ENOX2: variants seen among roughly 807,000 people sequenced by gnomAD.
ENOX2 encodes APK1 antigen.
In ENOX2, 36 loss-of-function variants were observed where a neutral mutation model predicts 45.0. That is an observed-to-expected ratio of 0.80 (90% CI 0.61 to 1.06). ENOX2 has a LOEUF of 1.06. ENOX2 is among the 50% of genes least tolerant of loss of function. The probability of loss-of-function intolerance (pLI) is 0.00; values close to 1 mark genes in which losing one functional copy is unlikely to be tolerated. For missense variants in ENOX2, 423 were observed against 462.5 expected (o/e 0.91, Z 0.78); for synonymous variants, 174 against 152.3 (o/e 1.14, Z -1.05).
At chrX:130,849,826 T>C (rs2148515967) in intron 2 of ENOX2, among the ~76,000 whole-genome samples, 1 of 111,772 alleles carries the variant, frequency 8.9e-6, no homozygotes, top group African/African-American at 3.3e-5. Flanking sequence ...GCCAACCCTT[T>C]ATTCAAAAGA....
At chrX:130,730,278 A>G (rs931727085) in intron 3 of ENOX2, among the ~76,000 whole-genome samples, 11 of 112,586 alleles carry the variant, frequency 9.8e-5, no homozygotes, top group Middle Eastern at 9.2e-3. Context: ...TGGAAGTGAC[A>G]TGTAGAAATT....
At chrX:130,856,050 T>C (rs898602400) in intron 2 of ENOX2, among the ~76,000 whole-genome samples, 3 of 112,018 alleles carry the variant, frequency 2.7e-5, no homozygotes, top group Admixed American at 1.9e-4. Context: ...AGTACTAAAG[T>C]AAAAACAGTG....
intron 3 of ENOX2, among the ~76,000 whole-genome samples, chrX:130,782,780 T>C (rs191390434): frequency 9.0e-6 from 1 of 110,956 alleles, no homozygotes; most frequent in Non-Finnish European, 1.9e-5. Flanking sequence ...AGACATAAAA[T>C]TGTAAAATAT....
At chrX:130,714,607 G>C (rs1002509951) in intron 3 of ENOX2, among the ~76,000 whole-genome samples, 15 of 111,590 alleles carry the variant, frequency 1.3e-4, no homozygotes, top group Non-Finnish European at 2.8e-4. Flanking sequence ...AGTTGTACCT[G>C]AATCTTTGGT....
At chrX:130,790,787 AC>A (rs1197243231) in intron 2 of ENOX2, among the ~76,000 whole-genome samples, 1 of 111,982 alleles carries the variant, frequency 8.9e-6, no homozygotes, top group Admixed American at 9.4e-5. Flanking sequence ...ATTCACCTCT[AC>A]CCAAACCAAT....
intron 14 of ENOX2, among the ~76,000 whole-genome samples, chrX:130,626,913 T>C (rs1225664017): frequency 9.0e-6 from 1 of 111,549 alleles, no homozygotes; most frequent in Non-Finnish European, 1.9e-5. Flanking sequence ...TATGGGCACA[T>C]TTCACTGAAT....
intron 3 of ENOX2, among the ~76,000 whole-genome samples, chrX:130,715,627 C>T (rs755529113): frequency 9.0e-6 from 1 of 110,721 alleles, no homozygotes; most frequent in East Asian, 2.8e-4. Context: ...TGCATTTGGC[C>T]AGACCAGGCA....
chrX:130,819,282 G>A (rs1029938131), intron 2 of ENOX2, among the ~76,000 whole-genome samples: 30 of 111,980 alleles, frequency 2.7e-4, no homozygotes, highest in Non-Finnish European at 4.3e-4. Flanking sequence ...TGGTGAGTAT[G>A]TAAATTAGTT....
chrX:130,665,595 G>A lies in ENOX2; in HGVS notation c.1014+48C>T, dbSNP rs779614798. 2.0e-5 allele frequency: 18 copies of A among 904,622 alleles called. No homozygotes were observed. The South Asian group carries it at 2.3e-4, about 12-fold the overall frequency. 74.6% of individuals were successfully genotyped at this position (904,622 alleles called of 1,213,427 possible). A position where few individuals can be genotyped will look rare whatever the true frequency, so the allele number is the denominator to read the frequency against. ...AACTCCAGATCAATAACTTGTTAAC[G>A]AAAGAAACTGTCCCCCCAAGGGGCT... is the stretch of plus-strand genomic sequence containing the variant. On this transcript the variant is annotated intron_variant, in intron 9 of 14. Transcript: ENST00000394363.
At chrX:130,661,776 A>AT (rs1326776724) in intron 9 of ENOX2, among the ~76,000 whole-genome samples, 1 of 112,385 alleles carries the variant, frequency 8.9e-6, no homozygotes, top group Non-Finnish European at 1.9e-5. Context: ...GGGTATGCAG[A>AT]TTATTTGAAT....
At chrX:130,723,188 G>A (rs913556058) in intron 3 of ENOX2, among the ~76,000 whole-genome samples, 2 of 112,286 alleles carry the variant, frequency 1.8e-5, no homozygotes, top group African/African-American at 6.5e-5. Context: ...AATGAATCAG[G>A]AGGGATGCAT....
intron 2 of ENOX2, among the ~76,000 whole-genome samples, chrX:130,810,676 G>A (rs2077376500): frequency 1.8e-5 from 2 of 112,470 alleles, no homozygotes; most frequent in African/African-American, 6.5e-5. Context: ...CCTGCCCAGT[G>A]CCAGGCCAAG....
chrX:130,759,710 T>C (rs184580228), intron 3 of ENOX2, among the ~76,000 whole-genome samples: 2 of 110,363 alleles, frequency 1.8e-5, no homozygotes, highest in Non-Finnish European at 1.9e-5. Flanking sequence ...TGTAGCTATA[T>C]AGCAAAATTT....
intron 2 of ENOX2, among the ~76,000 whole-genome samples, chrX:130,787,932 C>A (rs1206238896): frequency 9.0e-6 from 1 of 111,721 alleles, no homozygotes; most frequent in Admixed American, 9.5e-5. Context: ...ATACCCAATA[C>A]AGTCTCCAAA....
intron 2 of ENOX2, among the ~76,000 whole-genome samples, chrX:130,851,033 G>A (rs1569316798): frequency 8.9e-6 from 1 of 112,432 alleles, no homozygotes. Context: ...AGCTTTGCCT[G>A]TTCAAGAAAC....
At chrX:130,838,932 C>T (rs969848015) in intron 2 of ENOX2, among the ~76,000 whole-genome samples, 5 of 111,869 alleles carry the variant, frequency 4.5e-5, no homozygotes, top group African/African-American at 1.6e-4. Context: ...GTAGCTCTTT[C>T]CTAGGACTCT....
chrX:130,649,976 C>A (rs1306973828), intron 10 of ENOX2, among the ~76,000 whole-genome samples: 1 of 112,597 alleles, frequency 8.9e-6, no homozygotes, highest in East Asian at 2.8e-4. Flanking sequence ...CTGAATAGTA[C>A]ACAGGTTACT....
At chrX:130,851,482 A>G (rs1250369346) in intron 2 of ENOX2, among the ~76,000 whole-genome samples, 5 of 88,896 alleles carry the variant, frequency 5.6e-5, no homozygotes, top group Non-Finnish European at 1.1e-4. Flanking sequence ...TTTTTTTTTT[A>G]TTATACTTTA....
chrX:130,641,079 C>T (rs1037194728), intron 10 of ENOX2, among the ~76,000 whole-genome samples: 13 of 111,070 alleles, frequency 1.2e-4, no homozygotes, highest in African/African-American at 3.6e-4. Flanking sequence ...AGAATTTCTC[C>T]GAAATTAATG....
Sources: allele counts gnomAD v4.1 joint callset (sites outside exome capture counted in the v4.1 genomes callset), GRCh38; gene constraint gnomAD v4.1.1; transcripts MANE v1.5; gene names NCBI Gene and HGNC (gene_info 2026-07-23, HGNC 2026-07-21).